Variants in HDGF observed in about 807,000 individuals in gnomAD.
The protein encoded by HDGF is hepatoma-derived growth factor.
Under a neutral mutation model 30.0 loss-of-function variants are expected in HDGF, and 5 were observed. The ratio of observed to expected loss-of-function variants is 0.17; its 90% CI spans 0.09 to 0.35. HDGF has a LOEUF of 0.35. Among genes scored for constraint, HDGF ranks in the 10% least tolerant of loss-of-function variants. HDGF has a pLI of 1.00. For synonymous variants in HDGF, 133 were observed against 112.7 expected (o/e 1.18, Z -1.14); for missense variants, 214 against 302.8 (o/e 0.71, Z 2.18).
chr1:156,745,428 G>C (rs1234845243), intron 1 of HDGF, 55 bp from the exon 2 acceptor site: 5 of 1,487,948 alleles, frequency 3.4e-6, no homozygotes, highest in Non-Finnish European at 4.6e-6. Context: ...TTGAGCCTGA[G>C]GCAGGGGTGC....
At chr1:156,746,135 G>C (rs1186475261) in intron 1 of HDGF, among the ~76,000 whole-genome samples, 2 of 152,094 alleles carry the variant, frequency 1.3e-5, no homozygotes, top group Non-Finnish European at 2.9e-5. Context: ...TGGCCTGGCC[G>C]ACTCCCTAGG....
intron 1 of HDGF, among the ~76,000 whole-genome samples, chr1:156,746,964 A>C (rs1463599814): frequency 6.6e-6 from 1 of 151,926 alleles, no homozygotes; most frequent in Non-Finnish European, 1.5e-5. Context: ...GGCCCTGGGC[A>C]TGAATCTGAG....
At position 156,744,990 on chromosome 1, in the gene HDGF, G is replaced by C. The variant is rs374762466; in HGVS notation, c.303+18C>G. 3.7e-6 allele frequency: 6 copies of C among 1,613,532 alleles called. No individual in the cohort carries two copies. The highest frequency in any genetic ancestry group is 5.1e-6 in the Non-Finnish European group (6 of 1,179,648). ...ACATCTGCTTTCCAGGGGGTCTCTG[G>C]GGCAGGCGGTGGCTCACCTGATAGC... On this transcript the variant is annotated intron_variant, in intron 3 of 5. Transcript: ENST00000357325.
At chr1:156,748,149 T>C (rs994966703) in intron 1 of HDGF, among the ~76,000 whole-genome samples, 7 of 152,156 alleles carry the variant, frequency 4.6e-5, no homozygotes, top group Admixed American at 3.9e-4. Flanking sequence ...ACCTAGAGTA[T>C]AGGCACTTGT....
rs771702032 is a variant in HDGF, at chr1:156,745,000, T to A, written c.303+8A>T. On this transcript the variant is annotated splice_region_variant and intron_variant, in intron 3 of 5. Coordinates refer to ENST00000357325, the MANE Select transcript of HDGF (RefSeq NM_004494.3). ...TCCAGGGGGTCTCTGGGGCAGGCGG[T>A]GGCTCACCTGATAGCCGGAAGCCTT... The A allele has an allele frequency of 2.5e-6, 4 of 1,613,916 alleles. No homozygotes were observed. The highest frequency in any genetic ancestry group is 3.4e-6 in the Non-Finnish European group (4 of 1,179,902).
At chr1:156,765,472 CTTTTTTTTT>C (rs71080793) in intron 1 of HDGF, among the ~76,000 whole-genome samples, 1 of 85,982 alleles carries the variant, frequency 1.2e-5, no homozygotes, top group Non-Finnish European at 2.1e-5. Context: ...TTCTTTCTTT[CTTTTTTTTT>C]TTTTTTTTTT....
chr1:156,764,282 G>A (rs986131637), intron 1 of HDGF, among the ~76,000 whole-genome samples: 11 of 151,426 alleles, frequency 7.3e-5, no homozygotes, highest in African/African-American at 2.7e-4. Context: ...AGGCTGGAGT[G>A]CAGTGGCATG....
upstream of HDGF, among the ~76,000 whole-genome samples, chr1:156,756,735 T>G (rs1651159653): frequency 6.6e-6 from 1 of 152,102 alleles, no homozygotes; most frequent in Non-Finnish European, 1.5e-5. Context: ...CTATGTTTTC[T>G]AACTCCTCTG....
At chr1:156,744,673 C>A (rs1255610945) in intron 3 of HDGF, 7 of 583,506 alleles carry the variant, frequency 1.2e-5, no homozygotes, top group African/African-American at 6.2e-5. Context: ...TCCTGCCCGG[C>A]TCACAAGCAC....
chr1:156,745,982 T>C (rs1318954920), intron 1 of HDGF, among the ~76,000 whole-genome samples: 1 of 152,240 alleles, frequency 6.6e-6, no homozygotes, highest in African/African-American at 2.4e-5. Flanking sequence ...CCTACACGTC[T>C]TTGCTTTCAT....
chr1:156,758,634 C>T (rs1651195204), intron 2 of HDGF, among the ~76,000 whole-genome samples: 3 of 83,204 alleles, frequency 3.6e-5, no homozygotes, highest in Non-Finnish European at 5.3e-5. Flanking sequence ...AAAAATTAGC[C>T]GGGTGTGGTG....
intron 1 of HDGF, among the ~76,000 whole-genome samples, chr1:156,745,780 G>A (rs1650494391): frequency 6.6e-6 from 1 of 152,124 alleles, no homozygotes; most frequent in South Asian, 2.1e-4. Flanking sequence ...AAGGACTCTA[G>A]AACCCACCTG....
chr1:156,747,242 T>TTCCCCCCC (rs1650625923), intron 1 of HDGF, among the ~76,000 whole-genome samples: 1 of 19,376 alleles, frequency 5.2e-5, no homozygotes, highest in Non-Finnish European at 9.3e-5. Flanking sequence ...CCCTCCCCCC[T>TTCCCCCCC]CCCCCCCGCC....
intron 1 of HDGF, among the ~76,000 whole-genome samples, chr1:156,747,045 G>T (rs1163056662): frequency 6.6e-6 from 1 of 151,952 alleles, no homozygotes; most frequent in African/African-American, 2.4e-5. Context: ...GGCCTCTGGG[G>T]ACAGAGGTCC....
chr1:156,756,253 A>G (rs943856935), upstream of HDGF, among the ~76,000 whole-genome samples: 2 of 151,918 alleles, frequency 1.3e-5, no homozygotes, highest in Non-Finnish European at 2.9e-5. Flanking sequence ...CTAGGTCTCA[A>G]TAAATAAATA....
chr1:156,749,399 G>C lies in HDGF; in HGVS notation c.87+1944C>G, dbSNP rs148237996. Among the ~76,000 whole-genome samples, 884 of 152,328 alleles carry C rather than the reference G, an allele frequency of 5.8e-3. 6 individuals carry two copies. Among genetic ancestry groups the C allele is most frequent in the Non-Finnish European group, 9.8e-3 (668 of 68,030 alleles). ...AGGAGACTCGAGGTCTGTTCTTTTG[G>C]AGTACAAGGGGACTGTGTCTGGGAG... On this transcript the variant is annotated intron_variant, in intron 1 of 5. Transcript: ENST00000357325.
intron 1 of HDGF, among the ~76,000 whole-genome samples, chr1:156,765,293 A>G (rs1193647639): frequency 6.7e-6 from 1 of 148,442 alleles, no homozygotes; most frequent in African/African-American, 2.5e-5. Flanking sequence ...GGGTTTCTCC[A>G]TGTTGGTCAG....
At position 156,745,389 on chromosome 1, in the gene HDGF, G is replaced by C. The variant is rs752510290; in HGVS notation, c.88-16C>G. 3.7e-6 allele frequency: 6 copies of C among 1,610,878 alleles called. No homozygotes were observed. The highest frequency in any genetic ancestry group is 1.1e-5 in the South Asian group (1 of 90,734). On this transcript the variant is annotated splice_polypyrimidine_tract_variant and intron_variant, in intron 1 of 5. Transcript: ENST00000357325. The stretch of plus-strand genomic sequence containing the variant: ...TCTCGTCAATCTGGGGTGAGATGAG[G>C]GGGTGAGGTTAGCTAGAGTCCTGAG...
chr1:156,755,955 C>T (rs10908519), upstream of HDGF, among the ~76,000 whole-genome samples: 140,888 of 152,268 alleles, frequency 0.93, 66,209 homozygotes, highest in East Asian at 1. Flanking sequence ...AATGAATGCA[C>T]TGAAGTTCTT....
Sources: gnomAD v4.1 joint callset for allele counts (sites outside exome capture counted in the v4.1 genomes callset) on GRCh38, gnomAD v4.1.1 for gene constraint, MANE v1.5 for transcripts, NCBI Gene and HGNC (gene_info 2026-07-23, HGNC 2026-07-21) for gene names.